The following ADAMTS3 variants were observed in gnomAD, a reference collection of about 807,000 sequenced individuals.
ADAMTS3 encodes the protein ADAM metallopeptidase with thrombospondin type 1 motif 3, also known as A disintegrin and metalloproteinase with thrombospondin motifs 3.
Under a neutral mutation model 129.0 loss-of-function variants are expected in ADAMTS3, and 73 were observed. That is an observed-to-expected ratio of 0.57 (90% CI 0.47 to 0.69). The LOEUF is 0.69. Ranked by LOEUF, ADAMTS3 falls within the 30% of genes least tolerant of loss-of-function variation. ADAMTS3 has a pLI of 0.00. For synonymous variants in ADAMTS3, 477 were observed against 510.8 expected, an observed-to-expected ratio of 0.93 and a Z score of 0.89; for missense variants, 1,457 against 1,514.5, an observed-to-expected ratio of 0.96 and a Z score of 0.63.
At chr4:72,363,350 C>A (rs1482885277) in intron 4 of ADAMTS3, among the ~76,000 whole-genome samples, 1 of 151,978 alleles carries the variant, frequency 6.6e-6, no homozygotes, top group Non-Finnish European at 1.5e-5. Context: ...AGAAAATGAA[C>A]AGACTTGTAG....
In ADAMTS3 at chr4:72,287,032, C is replaced by A. The variant is rs113527553; in HGVS notation, c.3049+1719G>T. 6.7e-3 allele frequency among the ~76,000 whole-genome samples: 1,025 copies of A among 152,102 alleles called. 10 individuals are homozygous for A. The highest frequency in any genetic ancestry group is 0.023 in the African/African-American group (966 of 41,488). ...TTCCTTTGTTGAAACCTAATCCTCA[C>A]GGCAATGGTACTAACAGGGTGGGGA... On this transcript the variant is annotated intron_variant, in intron 21 of 21. Coordinates refer to ENST00000286657, the MANE Select transcript of ADAMTS3 (RefSeq NM_014243.3).
chr4:72,298,373 G>T lies in ADAMTS3; in HGVS notation c.2494C>A (p.Pro832Thr). Residue 832 changes from proline to threonine, a missense_variant, in exon 18 of 22, where the codon CCT becomes ACT. Coordinates refer to ENST00000286657, the MANE Select transcript of ADAMTS3 (RefSeq NM_014243.3). ...ATGACATTGTTGCTGTTGATTGTAG[G>T]TACAGAGTCTTCATGGATGATGTAC... ...YKYIIHEDSV[P>T]TINSNNVIQE... 1 of 1,613,024 alleles carries T rather than the reference G, an allele frequency of 6.2e-7. No homozygotes were observed. Among genetic ancestry groups the T allele is most frequent in the Non-Finnish European group, 8.5e-7 (1 of 1,179,266 alleles).
At chr4:72,505,834 C>A (rs959610364) in intron 3 of ADAMTS3, among the ~76,000 whole-genome samples, 1 of 152,200 alleles carries the variant, frequency 6.6e-6, no homozygotes, top group African/African-American at 2.4e-5. Context: ...GCACCAGGAT[C>A]TCTCTGCATA....
At chr4:72,311,523 A>G (rs1174717500) in intron 13 of ADAMTS3, among the ~76,000 whole-genome samples, 1 of 152,166 alleles carries the variant, frequency 6.6e-6, no homozygotes. Flanking sequence ...TTTTCGTAAT[A>G]TTAGAGCACT....
At chr4:72,301,273 A>G (rs1010872742) in intron 17 of ADAMTS3, among the ~76,000 whole-genome samples, 7 of 152,188 alleles carry the variant, frequency 4.6e-5, no homozygotes, top group African/African-American at 1.7e-4. Context: ...AAAAGAAAAC[A>G]TTAAAAAATT....
chr4:72,399,668 C>T (rs1721824721), intron 4 of ADAMTS3, among the ~76,000 whole-genome samples: 1 of 146,580 alleles, frequency 6.8e-6, no homozygotes, highest in Non-Finnish European at 1.5e-5. Context: ...ACTTAGAAAA[C>T]TGTCAAGAAG....
intron 4 of ADAMTS3, among the ~76,000 whole-genome samples, chr4:72,361,636 C>T (rs1337433916): frequency 6.6e-6 from 1 of 152,042 alleles, no homozygotes; most frequent in African/African-American, 2.4e-5. Flanking sequence ...CTATTCTTTC[C>T]TGCATGAGCA....
chr4:72,459,739 C>T (rs1443557350), intron 3 of ADAMTS3, among the ~76,000 whole-genome samples: 1 of 151,370 alleles, frequency 6.6e-6, no homozygotes, highest in African/African-American at 2.4e-5. Flanking sequence ...GGTCAAGTAT[C>T]CCTTATCTGA....
In ADAMTS3 at chr4:72,562,029, T is replaced by C. The variant is rs1721915864; in HGVS notation, c.97+5345A>G. On this transcript the variant is annotated intron_variant, in intron 2 of 21. Coordinates refer to ENST00000286657, the MANE Select transcript of ADAMTS3 (RefSeq NM_014243.3). ...GTGCTTCACTGTCCATTTTCAGGAA[T>C]ATACAACTCTCAGATTGCACTGTAT... Among the ~76,000 whole-genome samples the C allele has an allele frequency of 2.0e-5, 3 of 152,222 alleles. No individual in the cohort carries two copies. The South Asian group carries it at 6.2e-4, about 31-fold the overall frequency.
At chr4:72,285,519 AG>A (rs1208711208) in intron 21 of ADAMTS3, among the ~76,000 whole-genome samples, 2 of 152,012 alleles carry the variant, frequency 1.3e-5, no homozygotes, top group East Asian at 3.9e-4. Context: ...CGCCCCTGTT[AG>A]GAGGCCCCTC....
chr4:72,328,334 T>A (rs1441570254), intron 5 of ADAMTS3, among the ~76,000 whole-genome samples: 1 of 152,212 alleles, frequency 6.6e-6, no homozygotes, highest in Non-Finnish European at 1.5e-5. Flanking sequence ...TCCTTCCAGG[T>A]TTGTTCCCGG....
intron 3 of ADAMTS3, among the ~76,000 whole-genome samples, chr4:72,438,098 T>C (rs1718012852): frequency 6.6e-6 from 1 of 151,704 alleles, no homozygotes; most frequent in African/African-American, 2.4e-5. Context: ...CTTTACTCTG[T>C]GTGTGCAGAA....
chr4:72,513,460 T>C (rs1391596224), intron 3 of ADAMTS3, among the ~76,000 whole-genome samples: 2 of 152,190 alleles, frequency 1.3e-5, no homozygotes, highest in Non-Finnish European at 2.9e-5. Context: ...CCCACCACTG[T>C]CTTTCCACTT....
At chr4:72,496,490 T>A (rs534577327) in intron 3 of ADAMTS3, among the ~76,000 whole-genome samples, 1 of 152,274 alleles carries the variant, frequency 6.6e-6, no homozygotes, top group East Asian at 1.9e-4. Flanking sequence ...TCTTGTTTCC[T>A]ACTGGATATT....
At chr4:72,292,735 T>C (rs1425945299) in intron 19 of ADAMTS3, among the ~76,000 whole-genome samples, 1 of 152,182 alleles carries the variant, frequency 6.6e-6, no homozygotes, top group Non-Finnish European at 1.5e-5. Context: ...CCAAAGTTAC[T>C]TTCCCTCTGC....
chr4:72,500,393 C>T (rs557674014), intron 3 of ADAMTS3, among the ~76,000 whole-genome samples: 6 of 151,694 alleles, frequency 4.0e-5, no homozygotes, highest in South Asian at 2.1e-4. Context: ...CATTTTTTCA[C>T]GTTTGTTGGC....
intron 3 of ADAMTS3, among the ~76,000 whole-genome samples, chr4:72,443,384 GT>G (rs1410380512): frequency 3.3e-5 from 5 of 151,652 alleles, no homozygotes; most frequent in Non-Finnish European, 7.4e-5. Context: ...ATACTGTTTA[GT>G]AAAAACAGTT....
intron 3 of ADAMTS3, among the ~76,000 whole-genome samples, chr4:72,488,470 C>T (rs1719647740): frequency 6.6e-6 from 1 of 151,912 alleles, no homozygotes; most frequent in South Asian, 2.1e-4. Context: ...GTCATGCTAT[C>T]AGTTTTTGAA....
chr4:72,294,517 T>C (rs1346196537), intron 19 of ADAMTS3, among the ~76,000 whole-genome samples: 1 of 152,086 alleles, frequency 6.6e-6, no homozygotes, highest in Admixed American at 6.6e-5. Context: ...AGTTTAATCA[T>C]TCCACAATGT....
Sources: allele counts gnomAD v4.1 joint callset (sites outside exome capture counted in the v4.1 genomes callset), GRCh38; gene constraint gnomAD v4.1.1; transcripts MANE v1.5; gene names NCBI Gene and HGNC (gene_info 2026-07-23, HGNC 2026-07-21).